DENND6A: variants seen among roughly 807,000 people sequenced by gnomAD.
DENND6A encodes the protein protein DENND6A.
In DENND6A, 43 loss-of-function variants were observed where a neutral mutation model predicts 95.5. The observed-to-expected ratio is 0.45, with a 90% confidence interval of 0.35 to 0.58. DENND6A has a LOEUF of 0.58. DENND6A is among the 20% of genes least tolerant of loss of function. The probability of loss-of-function intolerance (pLI) is 0.00; values close to 1 mark genes in which losing one functional copy is unlikely to be tolerated. For synonymous variants in DENND6A, 257 were observed against 260.4 expected, an observed-to-expected ratio of 0.99 and a Z score of 0.13; for missense variants, 574 against 736.0, an observed-to-expected ratio of 0.78 and a Z score of 2.55.
intron 1 of DENND6A, among the ~76,000 whole-genome samples, chr3:57,674,965 G>A (rs570458332): frequency 6.6e-6 from 1 of 152,088 alleles, no homozygotes; most frequent in Admixed American, 6.6e-5. Context: ...CAGACACTGG[G>A]GTCTACTTGA....
intron 1 of DENND6A, among the ~76,000 whole-genome samples, chr3:57,685,586 T>C (rs915665533): frequency 5.3e-5 from 8 of 152,198 alleles, no homozygotes; most frequent in African/African-American, 9.6e-5. Flanking sequence ...AGATTTTGAA[T>C]GTTTAGATTA....
intron 1 of DENND6A, among the ~76,000 whole-genome samples, chr3:57,683,450 A>G (rs756913551): frequency 2.6e-5 from 4 of 152,192 alleles, no homozygotes; most frequent in Non-Finnish European, 4.4e-5. Flanking sequence ...TACCTTCAGG[A>G]AATCCAACTT....
At chr3:57,682,234 T>C (rs945261012) in intron 1 of DENND6A, among the ~76,000 whole-genome samples, 1 of 134,674 alleles carries the variant, frequency 7.4e-6, no homozygotes, top group Non-Finnish European at 1.5e-5. Flanking sequence ...TGAGCCAAGA[T>C]TGCACCATTG....
At chr3:57,643,017 A>G (rs1430734059) in intron 11 of DENND6A, among the ~76,000 whole-genome samples, 12 of 149,646 alleles carry the variant, frequency 8.0e-5, no homozygotes, top group African/African-American at 3.0e-4. Flanking sequence ...AAAAAAAAAA[A>G]AAAAAGAAAG....
Position 57,673,538 on chromosome 3 carries a change from A to G in DENND6A, c.238-1100T>C, listed in dbSNP as rs1002998987. On this transcript the variant is annotated intron_variant, in intron 1 of 19. Coordinates refer to ENST00000311128, the MANE Select transcript of DENND6A (RefSeq NM_152678.3). ...AGCACAATAGGACAACCACAGTTAA[A>G]AATAATTTATTGTGTATTTCAAAAT... is the stretch of plus-strand genomic sequence containing the variant. 2.0e-5 allele frequency among the ~76,000 whole-genome samples: 3 copies of G among 152,328 alleles called. No homozygotes were observed. In the South Asian group the frequency reaches 6.2e-4, roughly 32 times the overall value.
intron 1 of DENND6A, 28 bp downstream of exon 1, chr3:57,692,754 G>T: frequency 7.0e-7 from 1 of 1,432,556 alleles, no homozygotes; most frequent in Non-Finnish European, 9.1e-7. Flanking sequence ...GGGGAGGAGC[G>T]CCGAGAAAGG....
At chr3:57,679,770 T>C (rs935585918) in intron 1 of DENND6A, among the ~76,000 whole-genome samples, 3 of 152,198 alleles carry the variant, frequency 2.0e-5, no homozygotes, top group Non-Finnish European at 1.5e-5. Context: ...GATTGTGGGC[T>C]ACATTAAAGA....
At chr3:57,654,537 T>C in intron 9 of DENND6A, 1 of 774,680 alleles carries the variant, frequency 1.3e-6, no homozygotes, top group Non-Finnish European at 1.6e-6. Context: ...CTGATGTGTC[T>C]CTCATTGTAC....
chr3:57,634,710 T>A lies in DENND6A; in HGVS notation c.1192A>T (p.Lys398Ter). 1.3e-6 allele frequency: 2 copies of A among 1,559,148 alleles called. No individual in the cohort carries two copies. Among genetic ancestry groups the A allele is most frequent in the Non-Finnish European group, 1.7e-6 (2 of 1,153,210 alleles). ...AATCAATAAAAGTCAATACCAGGTT[T>A]GGAATCCAGAGTCTTTAGATTCTTC... ...KLKNLKTLDS[K>*]PGVYTSYKPY... Residue 398 changes from lysine (K) to a stop codon, truncating the protein, a stop_gained, in exon 13 of 20, where the codon AAA becomes TAA. Transcript: ENST00000311128. LOFTEE classifies it high-confidence loss of function.
intron 1 of DENND6A, among the ~76,000 whole-genome samples, chr3:57,690,701 A>AC (rs376859999): frequency 4.0e-5 from 6 of 151,442 alleles, no homozygotes; most frequent in Non-Finnish European, 7.4e-5. Flanking sequence ...AAAAAAAAAA[A>AC]TCAGAGAAGG....
chr3:57,662,485 A>T (rs1425549181), intron 5 of DENND6A, among the ~76,000 whole-genome samples: 1 of 152,098 alleles, frequency 6.6e-6, no homozygotes, highest in Non-Finnish European at 1.5e-5. Context: ...TTACAAGTGT[A>T]AGCCACTGTG....
At chr3:57,678,800 TAG>T (rs2153416970) in intron 1 of DENND6A, among the ~76,000 whole-genome samples, 1 of 152,286 alleles carries the variant, frequency 6.6e-6, no homozygotes, top group East Asian at 1.9e-4. Flanking sequence ...CCAAGAGAAA[TAG>T]ATTTCTGTTA....
rs1263106012 is a variant in DENND6A, at chr3:57,626,893, C to G, written c.*1321G>C. On this transcript the variant is annotated 3_prime_UTR_variant, in exon 20 of 20. Coordinates refer to ENST00000311128, the MANE Select transcript of DENND6A (RefSeq NM_152678.3). ...CTCAGGCGAAAGTTCCCATGTCAAA[C>G]AATAGTAGGAAAAGTGTTTTAAGAA... The G allele has an allele frequency of 6.6e-6, 1 of 152,350 alleles. No individual in the cohort carries two copies. The highest frequency in any genetic ancestry group is 1.5e-5 in the Non-Finnish European group (1 of 67,998). The allele number at this position is 152,350 out of a possible 1,614,324, so 9.4% of individuals were successfully genotyped here.
intron 1 of DENND6A, among the ~76,000 whole-genome samples, chr3:57,679,767 G>T (rs771478642): frequency 6.6e-5 from 10 of 152,138 alleles, no homozygotes; most frequent in African/African-American, 9.7e-5. Context: ...GGGGATTGTG[G>T]GCTACATTAA....
chr3:57,628,957 G>C (rs2070596035), intron 18 of DENND6A, 72 bp from the exon 19 acceptor site: 2 of 1,360,216 alleles, frequency 1.5e-6, no homozygotes, highest in East Asian at 2.3e-5. Flanking sequence ...CAATAGGTAA[G>C]GCTACTGTGA....
chr3:57,650,755 G>T (rs1160479620), intron 9 of DENND6A, among the ~76,000 whole-genome samples: 1 of 151,422 alleles, frequency 6.6e-6, no homozygotes, highest in East Asian at 1.9e-4. Flanking sequence ...AAGGTGAATG[G>T]ATAGACAAAA....
chr3:57,673,237 G>GAA (rs1429355202), intron 1 of DENND6A, among the ~76,000 whole-genome samples: 2 of 116,848 alleles, frequency 1.7e-5, no homozygotes, highest in African/African-American at 6.2e-5. Flanking sequence ...AAAAAAGAAA[G>GAA]AAAAAGAAAA....
At chr3:57,641,908 A>G (rs112815464) in intron 11 of DENND6A, among the ~76,000 whole-genome samples, 161 bp from the exon 12 acceptor site, 2 of 152,302 alleles carry the variant, frequency 1.3e-5, no homozygotes, top group African/African-American at 4.8e-5. Context: ...AACACGTTTT[A>G]CACTAGACAT....
intron 9 of DENND6A, among the ~76,000 whole-genome samples, chr3:57,652,092 T>A (rs1375205463): frequency 6.6e-6 from 1 of 152,066 alleles, no homozygotes; most frequent in Non-Finnish European, 1.5e-5. Flanking sequence ...CCACAAATTC[T>A]TTGACAGTCC....
Sources: gnomAD v4.1 joint callset for allele counts (sites outside exome capture counted in the v4.1 genomes callset) on GRCh38, gnomAD v4.1.1 for gene constraint, MANE v1.5 for transcripts, NCBI Gene and HGNC (gene_info 2026-07-23, HGNC 2026-07-21) for gene names.